ATG10: variants seen among roughly 807,000 people sequenced by gnomAD.
ATG10 encodes the protein ubiquitin-like-conjugating enzyme ATG10.
In ATG10, 30 loss-of-function variants were observed where a neutral mutation model predicts 32.1. That is an observed-to-expected ratio of 0.94 (90% CI 0.70 to 1.27). The LOEUF is 1.27. Ranked by LOEUF, ATG10 falls within the 50% of genes most tolerant of loss-of-function variation. The probability of loss-of-function intolerance (pLI) is 0.00; values close to 1 mark genes in which losing one functional copy is unlikely to be tolerated. For synonymous variants in ATG10, 87 were observed against 91.5 expected (o/e 0.95, Z 0.28); for missense variants, 233 against 262.3 (o/e 0.89, Z 0.77).
chr5:82,044,219 GGAGA>G (rs1320926529), intron 2 of ATG10, among the ~76,000 whole-genome samples: 1 of 152,048 alleles, frequency 6.6e-6, no homozygotes, highest in African/African-American at 2.4e-5. Flanking sequence ...TGACAGAGCA[GGAGA>G]GAGAGCGAGC....
At chr5:82,167,106 A>T (rs1282623962) in intron 4 of ATG10, among the ~76,000 whole-genome samples, 1 of 152,090 alleles carries the variant, frequency 6.6e-6, no homozygotes, top group Admixed American at 6.6e-5. Context: ...TTTTCTTTAT[A>T]TGGTCCAGTT....
At chr5:82,063,316 C>G (rs1330516637) in intron 3 of ATG10, among the ~76,000 whole-genome samples, 1 of 152,046 alleles carries the variant, frequency 6.6e-6, no homozygotes, top group Non-Finnish European at 1.5e-5. Flanking sequence ...GAACAAGACT[C>G]TGTCTCAAAA....
chr5:82,115,127 A>G (rs1236302988), intron 3 of ATG10, among the ~76,000 whole-genome samples: 2 of 152,096 alleles, frequency 1.3e-5, no homozygotes, highest in Non-Finnish European at 2.9e-5. Context: ...TTATGTGATA[A>G]AAATGTCATA....
intron 2 of ATG10, among the ~76,000 whole-genome samples, chr5:82,046,832 T>C (rs1763249465): frequency 6.6e-6 from 1 of 152,300 alleles, no homozygotes; most frequent in East Asian, 1.9e-4. Flanking sequence ...TAATAAAATA[T>C]AAAATTACTT....
chr5:82,083,040 C>T (rs1164293575), intron 3 of ATG10, among the ~76,000 whole-genome samples: 2 of 152,202 alleles, frequency 1.3e-5, no homozygotes, highest in Non-Finnish European at 2.9e-5. Context: ...GGCATCGCCT[C>T]ACCCGGGAAG....
At chr5:82,180,724 C>G (rs1044708285) in intron 5 of ATG10, among the ~76,000 whole-genome samples, 11 of 152,116 alleles carry the variant, frequency 7.2e-5, no homozygotes, top group African/African-American at 2.4e-4. Flanking sequence ...TAACTTTACA[C>G]CCATTTATCA....
At chr5:82,046,586 T>C (rs1200708071) in intron 2 of ATG10, among the ~76,000 whole-genome samples, 1 of 152,250 alleles carries the variant, frequency 6.6e-6, no homozygotes, top group Non-Finnish European at 1.5e-5. Flanking sequence ...TGTGGTACTT[T>C]GTACAGCCCA....
intron 3 of ATG10, among the ~76,000 whole-genome samples, chr5:82,113,901 T>A (rs1439737751): frequency 1.3e-5 from 2 of 152,040 alleles, no homozygotes; most frequent in Non-Finnish European, 2.9e-5. Flanking sequence ...GCACTTTGTT[T>A]TGTATGTTAC....
intron 5 of ATG10, among the ~76,000 whole-genome samples, chr5:82,215,751 C>T (rs1470584287): frequency 6.6e-6 from 1 of 151,994 alleles, no homozygotes; most frequent in Non-Finnish European, 1.5e-5. Flanking sequence ...GCCTGGCCAA[C>T]ATGGTGAAAC....
intron 3 of ATG10, among the ~76,000 whole-genome samples, chr5:82,087,018 G>GT (rs1764718957): frequency 6.6e-6 from 1 of 152,082 alleles, no homozygotes; most frequent in Non-Finnish European, 1.5e-5. Context: ...TTGCCTTAAT[G>GT]TTTTCATTTG....
intron 3 of ATG10, among the ~76,000 whole-genome samples, chr5:82,152,584 A>G (rs1767648627): frequency 6.6e-6 from 1 of 152,228 alleles, no homozygotes; most frequent in Non-Finnish European, 1.5e-5. Flanking sequence ...GTGAGGGTAG[A>G]GGGCCAGCCA....
chr5:82,104,288 A>G (rs1390020497), intron 3 of ATG10, among the ~76,000 whole-genome samples: 4 of 152,074 alleles, frequency 2.6e-5, no homozygotes, highest in East Asian at 1.9e-4. Flanking sequence ...GGTAATTGTA[A>G]TAATTTATGT....
chr5:82,120,235 A>G (rs1238508307), intron 3 of ATG10, among the ~76,000 whole-genome samples: 1 of 152,174 alleles, frequency 6.6e-6, no homozygotes, highest in Non-Finnish European at 1.5e-5. Flanking sequence ...ACTTGTTGCA[A>G]TTATATGCAA....
intron 3 of ATG10, among the ~76,000 whole-genome samples, chr5:82,080,603 C>T (rs942854554): frequency 3.3e-5 from 5 of 152,168 alleles, no homozygotes; most frequent in African/African-American, 1.2e-4. Flanking sequence ...TTCCCAGCAC[C>T]ATTTATTAAA....
chr5:81,977,493 G>T (rs1293213616), intron 1 of ATG10, among the ~76,000 whole-genome samples: 1 of 152,088 alleles, frequency 6.6e-6, no homozygotes, highest in African/African-American at 2.4e-5. Flanking sequence ...TTATTTCCAA[G>T]CAGCCCCTTG....
At chr5:82,171,621 C>A (rs1743812015) in intron 4 of ATG10, among the ~76,000 whole-genome samples, 1 of 152,164 alleles carries the variant, frequency 6.6e-6, no homozygotes, top group South Asian at 2.1e-4. Flanking sequence ...GAATTTATCT[C>A]CCAAATTGGA....
At chr5:81,994,421 T>A (rs1324966412) in intron 2 of ATG10, among the ~76,000 whole-genome samples, 1 of 152,132 alleles carries the variant, frequency 6.6e-6, no homozygotes, top group Non-Finnish European at 1.5e-5. Flanking sequence ...CATCAAGGGA[T>A]TATAAAGCTT....
At chr5:82,215,130 G>A (rs145450923) in intron 5 of ATG10, among the ~76,000 whole-genome samples, 1 of 152,130 alleles carries the variant, frequency 6.6e-6, no homozygotes, top group Non-Finnish European at 1.5e-5. Flanking sequence ...CTGGGCTGAC[G>A]TCATCTCAAG....
intron 2 of ATG10, among the ~76,000 whole-genome samples, chr5:82,044,914 T>C (rs1204574295): frequency 6.6e-6 from 1 of 152,204 alleles, no homozygotes; most frequent in African/African-American, 2.4e-5. Flanking sequence ...TCTTGAGAAT[T>C]ATTTCTTTCA....
Sources: allele counts gnomAD v4.1 joint callset (sites outside exome capture counted in the v4.1 genomes callset), GRCh38; gene constraint gnomAD v4.1.1; transcripts MANE v1.5; gene names NCBI Gene and HGNC (gene_info 2026-07-23, HGNC 2026-07-21).